DOCK4: variants seen among roughly 807,000 people sequenced by gnomAD.
The protein encoded by DOCK4 is dedicator of cytokinesis 4, also known as dedicator of cytokinesis protein 4.
Under a neutral mutation model 268.1 loss-of-function variants are expected in DOCK4, and 97 were observed. The ratio of observed to expected loss-of-function variants is 0.36; its 90% CI spans 0.31 to 0.43. The LOEUF (loss-of-function observed/expected upper bound fraction) is 0.43. Among genes scored for constraint, DOCK4 ranks in the 20% least tolerant of loss-of-function variants. DOCK4 has a pLI of 1.00. For synonymous variants in DOCK4, 954 were observed against 887.2 expected (o/e 1.08, Z -1.34); for missense variants, 2,145 against 2,455.7 (o/e 0.87, Z 2.67).
At chr7:111,777,366 CA>C (rs1329049921) in intron 36 of DOCK4, among the ~76,000 whole-genome samples, 3 of 151,958 alleles carry the variant, frequency 2.0e-5, no homozygotes, top group Non-Finnish European at 4.4e-5. Context: ...TCAGGCTCAA[CA>C]AAAATATTAT....
At chr7:111,937,025 GAAGA>G (rs1035304438) in intron 11 of DOCK4, among the ~76,000 whole-genome samples, 5 of 152,158 alleles carry the variant, frequency 3.3e-5, no homozygotes, top group African/African-American at 1.2e-4. Flanking sequence ...GCCCAGTGGG[GAAGA>G]AAGAAAGATG....
intron 16 of DOCK4, among the ~76,000 whole-genome samples, chr7:111,884,613 C>T (rs964260750): frequency 2.0e-5 from 3 of 152,054 alleles, no homozygotes; most frequent in African/African-American, 7.2e-5. Flanking sequence ...GTATATGGAG[C>T]TGAAATAATT....
intron 13 of DOCK4, among the ~76,000 whole-genome samples, chr7:111,904,339 G>T (rs1033354712): frequency 2.0e-5 from 3 of 152,192 alleles, no homozygotes; most frequent in African/African-American, 7.2e-5. Flanking sequence ...GCAGGTGTAA[G>T]TCCTTAATAA....
chr7:112,118,737 C>T (rs1329775533), intron 1 of DOCK4, among the ~76,000 whole-genome samples: 2 of 152,150 alleles, frequency 1.3e-5, no homozygotes, highest in East Asian at 3.9e-4. Flanking sequence ...TGAAACAAGC[C>T]AGTTTGGCAA....
rs188191336 is a variant in DOCK4, at chr7:111,976,812, G to A, written c.701+320C>T. 3.8e-5 allele frequency: 7 copies of A among 185,208 alleles called. No homozygotes were observed. In the East Asian group the frequency reaches 8.2e-4, roughly 22 times the overall value. 11.5% of individuals were successfully genotyped at this position (185,208 alleles called of 1,614,324 possible). On this transcript the variant is annotated intron_variant, in intron 8 of 52. Coordinates refer to ENST00000428084, the MANE Select transcript of DOCK4 (RefSeq NM_001363540.2). ...TGACTGTGATAAGCAAACTTCTCCA[G>A]AGAATCTGTATCTTCTTTATGTTAC...
At chr7:112,002,944 G>C (rs960353599) in intron 2 of DOCK4, among the ~76,000 whole-genome samples, 1 of 151,666 alleles carries the variant, frequency 6.6e-6, no homozygotes, top group Non-Finnish European at 1.5e-5. Flanking sequence ...CCAGCTATTC[G>C]GGAGGCTGAG....
At chr7:111,810,322 C>T (rs1188166065) in intron 28 of DOCK4, among the ~76,000 whole-genome samples, 2 of 151,774 alleles carry the variant, frequency 1.3e-5, no homozygotes, top group African/African-American at 4.8e-5. Context: ...TGTGGTGGTG[C>T]GCTCCTGTGG....
intron 30 of DOCK4, among the ~76,000 whole-genome samples, chr7:111,799,114 T>G (rs1198183746): frequency 6.6e-6 from 1 of 152,104 alleles, no homozygotes; most frequent in African/African-American, 2.4e-5. Flanking sequence ...TAAAAGAAAT[T>G]AAACTTCAGT....
chr7:112,186,560 G>A (rs969686753), intron 1 of DOCK4, among the ~76,000 whole-genome samples: 1 of 152,188 alleles, frequency 6.6e-6, no homozygotes, highest in African/African-American at 2.4e-5. Context: ...CCTAGTAAGA[G>A]TTCAGTAAAG....
rs994512098 is a variant in DOCK4, at chr7:112,114,956, A to C, written c.37+91146T>G. On this transcript the variant is annotated intron_variant, in intron 1 of 52. Coordinates refer to ENST00000428084, the MANE Select transcript of DOCK4 (RefSeq NM_001363540.2). ...CCAGAAGGGTCTCAGGGACCCCTAG[A>C]CTCCACCTTGAGAGCACCTACTAAA... 6.6e-5 allele frequency among the ~76,000 whole-genome samples: 10 copies of C among 152,144 alleles called. 1 individual carries two copies. The highest frequency in any genetic ancestry group is 1.3e-4 in the Non-Finnish European group (9 of 67,990).
chr7:111,993,587 G>A (rs1799701808), intron 5 of DOCK4, among the ~76,000 whole-genome samples: 1 of 152,160 alleles, frequency 6.6e-6, no homozygotes, highest in Non-Finnish European at 1.5e-5. Context: ...CTGCATCAAA[G>A]AGTACTTACC....
At chr7:112,127,548 C>G (rs919476139) in intron 1 of DOCK4, among the ~76,000 whole-genome samples, 5 of 139,214 alleles carry the variant, frequency 3.6e-5, no homozygotes, top group Non-Finnish European at 7.9e-5. Flanking sequence ...TACCCTAAAA[C>G]TTAAAGTATA....
intron 42 of DOCK4, among the ~76,000 whole-genome samples, chr7:111,752,612 G>GTTTTTTTTTTTTTTTTTTTTTTTTTTTT (rs1796743340): frequency 9.0e-6 from 1 of 110,664 alleles, no homozygotes. Context: ...TTGAGACAGA[G>GTTTTTTTTTTTTTTTTTTTTTTTTTTTT]GTTTGCTCTT....
At chr7:111,816,796 T>C (rs1162840342) in intron 27 of DOCK4, among the ~76,000 whole-genome samples, 7 of 152,260 alleles carry the variant, frequency 4.6e-5, no homozygotes, top group African/African-American at 1.4e-4. Flanking sequence ...GTGAAGCTTA[T>C]ACAACTTTTA....
intron 15 of DOCK4, among the ~76,000 whole-genome samples, chr7:111,898,933 C>G (rs1283674856): frequency 1.3e-5 from 2 of 152,192 alleles, no homozygotes; most frequent in African/African-American, 4.8e-5. Context: ...TCTCTTTCCC[C>G]ACTATTTCAC....
chr7:111,838,339 T>G (rs989457930), intron 25 of DOCK4, among the ~76,000 whole-genome samples: 1 of 152,136 alleles, frequency 6.6e-6, no homozygotes, highest in African/African-American at 2.4e-5. Flanking sequence ...CAAGATAGTA[T>G]GTTACTGGTG....
At chr7:111,851,051 T>C (rs1804504842) in intron 23 of DOCK4, among the ~76,000 whole-genome samples, 1 of 152,144 alleles carries the variant, frequency 6.6e-6, no homozygotes, top group Non-Finnish European at 1.5e-5. Context: ...ACACATATGT[T>C]AAAAACAAAA....
Position 111,822,353 on chromosome 7 carries a change from A to G in DOCK4, c.2930+9T>C. On this transcript the variant is annotated intron_variant, in intron 27 of 52. Coordinates refer to ENST00000428084, the MANE Select transcript of DOCK4 (RefSeq NM_001363540.2). ...TGAGCTGCAATTATCATCAACTTAA[A>G]TGTCTTACTTGTTAGCAACCAAGCG... is the stretch of plus-strand genomic sequence containing the variant. 1.9e-6 allele frequency: 3 copies of G among 1,607,344 alleles called. No individual in the cohort carries two copies. The highest frequency in any genetic ancestry group is 2.6e-6 in the Non-Finnish European group (3 of 1,174,982).
chr7:112,078,677 T>G (rs1808302972), intron 1 of DOCK4, among the ~76,000 whole-genome samples: 1 of 152,116 alleles, frequency 6.6e-6, no homozygotes, highest in South Asian at 2.1e-4. Context: ...CCCTTGGACA[T>G]CTACTCAAGC....
Sources: allele counts gnomAD v4.1 joint callset (sites outside exome capture counted in the v4.1 genomes callset), GRCh38; gene constraint gnomAD v4.1.1; transcripts MANE v1.5; gene names NCBI Gene and HGNC (gene_info 2026-07-23, HGNC 2026-07-21).